The following RSRC1 variants were observed in gnomAD, a reference collection of about 807,000 sequenced individuals.
RSRC1 encodes serine/Arginine-related protein 53.
A neutral mutation model predicts 49.1 loss-of-function variants in RSRC1; 39 were observed. That is an observed-to-expected ratio of 0.79 (90% CI 0.61 to 1.04). The LOEUF is 1.04. RSRC1 is among the 50% of genes least tolerant of loss of function. The pLI is 0.00. For synonymous variants in RSRC1, 143 were observed against 130.8 expected (o/e 1.09, Z -0.63); for missense variants, 388 against 402.4 (o/e 0.96, Z 0.31).
intron 4 of RSRC1, among the ~76,000 whole-genome samples, chr3:158,260,885 C>G (rs2108034707): frequency 6.6e-6 from 1 of 152,286 alleles, no homozygotes; most frequent in Non-Finnish European, 1.5e-5. Context: ...ACTGTACTTT[C>G]CCTCCCCCAA....
At chr3:158,199,881 C>T (rs2108275151) in intron 3 of RSRC1, among the ~76,000 whole-genome samples, 1 of 152,218 alleles carries the variant, frequency 6.6e-6, no homozygotes, top group Admixed American at 6.5e-5. Flanking sequence ...ACATGTTCTG[C>T]ATGATTTCTG....
At position 158,122,129 on chromosome 3, in the gene RSRC1, G is replaced by A; in HGVS notation, c.25G>A (p.Glu9Lys). The A allele has an allele frequency of 6.5e-7, 1 of 1,544,064 alleles. No homozygotes were observed. Among genetic ancestry groups the A allele is most frequent in the Non-Finnish European group, 8.7e-7 (1 of 1,147,040 alleles). ...AATGGGACGTCGGTCATCAGATACTGAAGAAGAAAGCAGAAGCAAGAGAAA... is the reference window on the plus strand; with the variant it reads ...AATGGGACGTCGGTCATCAGATACTAAAGAAGAAAGCAGAAGCAAGAGAAA... MGRRSSDT[E>K]EESRSKRKKK... The change falls in exon 2 of 10, where the codon GAA becomes AAA. Residue 9 changes from glutamate to lysine, a missense_variant. Glu to Lys is a moderately conservative substitution (Grantham distance 56). Coordinates refer to ENST00000611884, the MANE Select transcript of RSRC1 (RefSeq NM_001271838.2).
intron 4 of RSRC1, among the ~76,000 whole-genome samples, chr3:158,217,395 T>C (rs1722000807): frequency 6.6e-6 from 1 of 151,748 alleles, no homozygotes; most frequent in South Asian, 2.1e-4. Flanking sequence ...TTATAAAATG[T>C]GAGGCATGGA....
At chr3:158,290,327 C>A (rs1030211416) in intron 4 of RSRC1, among the ~76,000 whole-genome samples, 7 of 150,334 alleles carry the variant, frequency 4.7e-5, no homozygotes, top group Admixed American at 2.6e-4. Context: ...GGCTGGAGTG[C>A]AGTGGCGCGA....
intron 7 of RSRC1, among the ~76,000 whole-genome samples, chr3:158,466,647 AGCTCT>A (rs773764589): frequency 6.6e-6 from 1 of 152,238 alleles, no homozygotes; most frequent in Non-Finnish European, 1.5e-5. Context: ...TCAGAATCTC[AGCTCT>A]GCCATTTCCT....
chr3:158,461,812 T>C (rs1737627752), intron 7 of RSRC1, among the ~76,000 whole-genome samples: 2 of 151,934 alleles, frequency 1.3e-5, no homozygotes, highest in South Asian at 2.1e-4. Flanking sequence ...ATTTGGACTT[T>C]TGAGTGCTGT....
intron 4 of RSRC1, among the ~76,000 whole-genome samples, chr3:158,293,986 G>A (rs554136481): frequency 7.2e-4 from 109 of 152,060 alleles, no homozygotes; most frequent in African/African-American, 2.4e-3. Flanking sequence ...TTAAATGTCC[G>A]TATAATATGC....
intron 5 of RSRC1, among the ~76,000 whole-genome samples, chr3:158,313,104 C>G (rs975415956): frequency 6.6e-6 from 1 of 152,068 alleles, no homozygotes. Flanking sequence ...AACCTCCCCC[C>G]TCCCCTCACC....
At chr3:158,453,940 TGA>T (rs374480385) in intron 6 of RSRC1, among the ~76,000 whole-genome samples, 2 of 152,270 alleles carry the variant, frequency 1.3e-5, no homozygotes, top group African/African-American at 4.8e-5. Flanking sequence ...AGCAATTTGA[TGA>T]GTTTGATTAA....
intron 7 of RSRC1, among the ~76,000 whole-genome samples, chr3:158,508,848 T>A (rs1740007511): frequency 6.6e-6 from 1 of 152,188 alleles, no homozygotes; most frequent in Non-Finnish European, 1.5e-5. Flanking sequence ...TCTTGAGAGA[T>A]GAGGTCTTGC....
intron 3 of RSRC1, among the ~76,000 whole-genome samples, chr3:158,158,057 T>A (rs563608371): frequency 6.6e-6 from 1 of 152,288 alleles, no homozygotes; most frequent in South Asian, 2.1e-4. Context: ...GAAATATTAA[T>A]TTGTAGAATA....
intron 4 of RSRC1, among the ~76,000 whole-genome samples, chr3:158,220,722 A>G (rs548228829): frequency 6.6e-6 from 1 of 151,608 alleles, no homozygotes; most frequent in Non-Finnish European, 1.5e-5. Context: ...TGGTCCTTTT[A>G]ATCTGCCCAT....
intron 6 of RSRC1, among the ~76,000 whole-genome samples, chr3:158,395,560 A>G (rs1733567337): frequency 6.6e-6 from 1 of 152,186 alleles, no homozygotes; most frequent in South Asian, 2.1e-4. Flanking sequence ...CATGCACCCA[A>G]CAAGTACACA....
At chr3:158,199,170 A>G (rs1271890560) in intron 3 of RSRC1, among the ~76,000 whole-genome samples, 3 of 152,174 alleles carry the variant, frequency 2.0e-5, no homozygotes, top group East Asian at 1.9e-4. Flanking sequence ...GCCTGCTGCT[A>G]TCCGCGTAAG....
chr3:158,408,208 A>G lies in RSRC1; in HGVS notation c.584-52727A>G, dbSNP rs567920629. Among the ~76,000 whole-genome samples the G allele has an allele frequency of 6.2e-4, 94 of 152,316 alleles. 1 individual carries two copies. The South Asian group carries it at 0.019, about 31-fold the overall frequency. On this transcript the variant is annotated intron_variant, in intron 6 of 9. Coordinates refer to ENST00000611884, the MANE Select transcript of RSRC1 (RefSeq NM_001271838.2). ...AGCTCGTTCACTGAGCCATTATTAA[A>G]ACTTATTTTCTCAACCTTCTAACTG...
intron 7 of RSRC1, among the ~76,000 whole-genome samples, chr3:158,508,770 T>C (rs915894443): frequency 6.6e-6 from 1 of 152,218 alleles, no homozygotes; most frequent in African/African-American, 2.4e-5. Flanking sequence ...AGATCAACTT[T>C]TGTAGTATCT....
At chr3:158,180,419 C>CGTGTGT (rs374155981) in intron 3 of RSRC1, among the ~76,000 whole-genome samples, 11,323 of 40,634 alleles carry the variant, frequency 0.28, 1,834 homozygotes, top group Middle Eastern at 0.36. Context: ...TTTTTTTTGC[C>CGTGTGT]GTGTGTGTGT....
At chr3:158,160,547 A>G (rs1718156001) in intron 3 of RSRC1, among the ~76,000 whole-genome samples, 1 of 152,224 alleles carries the variant, frequency 6.6e-6, no homozygotes, top group Non-Finnish European at 1.5e-5. Flanking sequence ...ATGAAAATTC[A>G]AGATTTATAC....
intron 7 of RSRC1, among the ~76,000 whole-genome samples, chr3:158,494,782 G>A (rs1739239695): frequency 6.6e-6 from 1 of 152,004 alleles, no homozygotes. Context: ...GGTCAGAATT[G>A]TCAATATCAA....
Sources: gnomAD v4.1 joint callset for allele counts (sites outside exome capture counted in the v4.1 genomes callset) on GRCh38, gnomAD v4.1.1 for gene constraint, MANE v1.5 for transcripts, NCBI Gene and HGNC (gene_info 2026-07-23, HGNC 2026-07-21) for gene names.